HELZ: variants seen among roughly 807,000 people sequenced by gnomAD.
HELZ encodes helicase with zinc finger.
In HELZ, 23 loss-of-function variants were observed where a neutral mutation model predicts 218.2. That is an observed-to-expected ratio of 0.11 (90% CI 0.08 to 0.15). The LOEUF is 0.15. Among genes scored for constraint, HELZ ranks in the 10% least tolerant of loss-of-function variants. HELZ has a pLI of 1.00. For missense variants in HELZ, 1,813 were observed against 2,353.7 expected (o/e 0.77, Z 4.75); for synonymous variants, 814 against 829.4 (o/e 0.98, Z 0.32).
intron 23 of HELZ, among the ~76,000 whole-genome samples, chr17:67,134,557 A>T (rs773502677): frequency 6.6e-6 from 1 of 151,998 alleles, no homozygotes; most frequent in African/African-American, 2.4e-5. Flanking sequence ...TTTTTTTCAT[A>T]AATTAAAACT....
chr17:67,202,748 CACTT>C (rs1421498657), intron 6 of HELZ, among the ~76,000 whole-genome samples: 3 of 152,260 alleles, frequency 2.0e-5, no homozygotes, highest in African/African-American at 7.2e-5. Flanking sequence ...CAAAGAAAAT[CACTT>C]AGTTAACCTA....
chr17:67,225,929 G>A (rs941590089), intron 3 of HELZ, among the ~76,000 whole-genome samples: 12 of 147,836 alleles, frequency 8.1e-5, no homozygotes, highest in Non-Finnish European at 1.8e-4. Flanking sequence ...GAAATTTTGT[G>A]CAAATCACTT....
intron 31 of HELZ, among the ~76,000 whole-genome samples, chr17:67,097,571 T>C (rs1329075656): frequency 1.3e-5 from 2 of 152,148 alleles, no homozygotes; most frequent in Non-Finnish European, 2.9e-5. Context: ...TTCCTATACA[T>C]CCATATACAA....
At chr17:67,158,165 T>C (rs2038896705) in intron 17 of HELZ, among the ~76,000 whole-genome samples, 1 of 152,248 alleles carries the variant, frequency 6.6e-6, no homozygotes, top group Non-Finnish European at 1.5e-5. Context: ...ATGTAATGTT[T>C]TGACTATTTT....
At chr17:67,244,819 G>A in intron 1 of HELZ, 3 of 985,454 alleles carry the variant, frequency 3.0e-6, no homozygotes, top group Non-Finnish European at 3.6e-6. Context: ...CCCTCCCAGA[G>A]TGCTCTGGGC....
Position 67,120,397 on chromosome 17 carries a change from C to T in HELZ, c.3838+8G>A. On this transcript the variant is annotated splice_region_variant and intron_variant, in intron 27 of 32. Coordinates refer to ENST00000358691, the MANE Select transcript of HELZ (RefSeq NM_014877.4). Reference sequence around the variant, plus strand: ...TTATGAACAGGAGAACAGCGAAGTACAACTTACCATTTCGATTTTGCTCAT... The same window carrying T: ...TTATGAACAGGAGAACAGCGAAGTATAACTTACCATTTCGATTTTGCTCAT... 2 of 1,611,522 alleles carry T rather than the reference C, an allele frequency of 1.2e-6. No individual in the cohort carries two copies. The highest frequency in any genetic ancestry group is 1.7e-6 in the Non-Finnish European group (2 of 1,177,706).
At chr17:67,096,127 A>AT (rs1447129991) in intron 31 of HELZ, among the ~76,000 whole-genome samples, 4 of 151,640 alleles carry the variant, frequency 2.6e-5, no homozygotes, top group Non-Finnish European at 5.9e-5. Context: ...AATCTTTTTA[A>AT]AAAATCCCAC....
intron 28 of HELZ, among the ~76,000 whole-genome samples, chr17:67,111,298 A>G (rs528576269): frequency 2.6e-4 from 40 of 152,350 alleles, no homozygotes; most frequent in Non-Finnish European, 4.6e-4. Flanking sequence ...AAATTTGATC[A>G]TAAGTGATGA....
At position 67,074,537 on chromosome 17, in the gene HELZ, G is replaced by A. The variant is rs1397320324; in HGVS notation, c.*3715C>T. 6.6e-6 allele frequency: 1 copy of A among 152,046 alleles called. No homozygotes were observed. The highest frequency in any genetic ancestry group is 2.4e-5 in the African/African-American group (1 of 41,422). 9.4% of individuals were successfully genotyped at this position (152,046 alleles called of 1,614,324 possible). ...AAGGTGGCTCGCTCTAGCTAAGGGG[G>A]CTAGAGAAACATCTTTTACGTCTGC... On this transcript the variant is annotated 3_prime_UTR_variant, in exon 33 of 33. Transcript: ENST00000358691.
rs979444953 is a variant in HELZ at position 67,116,953 on chromosome 17, T to C, written c.3839-2550A>G. On this transcript the variant is annotated intron_variant, in intron 27 of 32. Transcript: ENST00000358691. ...CTCACTGCAATCTCCACCTCCCAGG[T>C]TCAAGCAATTCTTCTGCCTCAGCCT... Among the ~76,000 whole-genome samples the C allele has an allele frequency of 2.0e-5, 3 of 152,188 alleles. No individual in the cohort carries two copies. In the East Asian group the frequency reaches 5.8e-4, roughly 29 times the overall value.
chr17:67,178,971 A>C (rs1598378311), intron 12 of HELZ, 45 bp from the exon 13 acceptor site: 1 of 1,271,314 alleles, frequency 7.9e-7, no homozygotes, highest in Non-Finnish European at 1.1e-6. Flanking sequence ...CAGAACATTA[A>C]AATTTTTAAA....
intron 3 of HELZ, among the ~76,000 whole-genome samples, chr17:67,229,984 G>A (rs1375713673): frequency 1.3e-5 from 2 of 152,182 alleles, no homozygotes; most frequent in African/African-American, 4.8e-5. Context: ...TTAAATTTTA[G>A]AATAAGTGGA....
At chr17:67,183,044 T>C (rs1286738879) in intron 12 of HELZ, among the ~76,000 whole-genome samples, 2 of 152,238 alleles carry the variant, frequency 1.3e-5, no homozygotes, top group Non-Finnish European at 2.9e-5. Flanking sequence ...AAACCTGCTA[T>C]ATTTATCTAG....
At chr17:67,217,860 C>CT (rs1289113665) in intron 4 of HELZ, among the ~76,000 whole-genome samples, 1 of 151,830 alleles carries the variant, frequency 6.6e-6, no homozygotes, top group Non-Finnish European at 1.5e-5. Flanking sequence ...CCCTGTTCTC[C>CT]TTTTTTCATG....
chr17:67,205,541 T>C (rs1475320730), intron 5 of HELZ, among the ~76,000 whole-genome samples: 1 of 152,174 alleles, frequency 6.6e-6, no homozygotes, highest in Non-Finnish European at 1.5e-5. Flanking sequence ...TCTAAAAATT[T>C]TACAGCAGTA....
At chr17:67,152,447 T>C (rs1464237979) in intron 17 of HELZ, among the ~76,000 whole-genome samples, 4 of 152,158 alleles carry the variant, frequency 2.6e-5, no homozygotes, top group Non-Finnish European at 2.9e-5. Flanking sequence ...TCAGATTCAC[T>C]AGGCATTTCG....
At chr17:67,153,241 A>G (rs1257086605) in intron 17 of HELZ, among the ~76,000 whole-genome samples, 2 of 152,166 alleles carry the variant, frequency 1.3e-5, no homozygotes, top group Non-Finnish European at 2.9e-5. Context: ...CAAAGAAAAA[A>G]GTATGCAGGA....
intron 13 of HELZ, among the ~76,000 whole-genome samples, chr17:67,172,246 C>G (rs2039334245): frequency 6.6e-6 from 1 of 152,182 alleles, no homozygotes; most frequent in Non-Finnish European, 1.5e-5. Context: ...CTTTTCTCCA[C>G]TAAGATGAGA....
At chr17:67,129,215 G>C (rs759927574) in intron 23 of HELZ, among the ~76,000 whole-genome samples, 2 of 151,838 alleles carry the variant, frequency 1.3e-5, no homozygotes, top group African/African-American at 2.4e-5. Flanking sequence ...CACAAAATTT[G>C]TACTTCTAGG....
Sources: gnomAD v4.1 joint callset for allele counts (sites outside exome capture counted in the v4.1 genomes callset) on GRCh38, gnomAD v4.1.1 for gene constraint, MANE v1.5 for transcripts, NCBI Gene and HGNC (gene_info 2026-07-23, HGNC 2026-07-21) for gene names.